Variants in FAT3 observed in about 807,000 individuals in gnomAD.
FAT3 encodes the protein protocadherin Fat 3.
In FAT3, 95 loss-of-function variants were observed where a neutral mutation model predicts 310.2. The observed-to-expected ratio is 0.31, with a 90% confidence interval of 0.26 to 0.36. FAT3 has a LOEUF of 0.36. Ranked by LOEUF, FAT3 falls within the 10% of genes least tolerant of loss-of-function variation. The pLI, the probability that FAT3 is intolerant of heterozygous loss-of-function variation, is 1.00. For synonymous variants in FAT3, 2,314 were observed against 2,192.9 expected, an observed-to-expected ratio of 1.06 and a Z score of -1.54; for missense variants, 5,408 against 5,715.6, an observed-to-expected ratio of 0.95 and a Z score of 1.74.
intron 10 of FAT3, among the ~76,000 whole-genome samples, chr11:92,802,208 G>T (rs1186004749): frequency 6.6e-6 from 1 of 152,112 alleles, no homozygotes; most frequent in Non-Finnish European, 1.5e-5. Context: ...CTCAGTTGAA[G>T]GAATGAAAAT....
intron 2 of FAT3, among the ~76,000 whole-genome samples, chr11:92,458,046 T>C (rs1951541394): frequency 6.6e-6 from 1 of 152,248 alleles, no homozygotes; most frequent in African/African-American, 2.4e-5. Flanking sequence ...ATCATCTTCT[T>C]CTTTAAAGCC....
chr11:92,408,612 T>G (rs753051175), intron 2 of FAT3, among the ~76,000 whole-genome samples: 4 of 152,222 alleles, frequency 2.6e-5, no homozygotes, highest in Non-Finnish European at 5.9e-5. Flanking sequence ...TTTGTCCTTC[T>G]TTGCCTGTTC....
chr11:92,460,023 G>C (rs1951594576), intron 2 of FAT3, among the ~76,000 whole-genome samples: 1 of 151,874 alleles, frequency 6.6e-6, no homozygotes, highest in Non-Finnish European at 1.5e-5. Context: ...AGGGTTTATT[G>C]CTGCCAGGGA....
chr11:92,432,265 G>C (rs956898360), intron 2 of FAT3, among the ~76,000 whole-genome samples: 1 of 152,186 alleles, frequency 6.6e-6, no homozygotes, highest in Non-Finnish European at 1.5e-5. Flanking sequence ...AAGCAATTGT[G>C]AATGGGAGTT....
intron 1 of FAT3, among the ~76,000 whole-genome samples, chr11:92,323,622 A>G (rs1947687107): frequency 2.0e-5 from 3 of 149,478 alleles, no homozygotes; most frequent in African/African-American, 7.5e-5. Flanking sequence ...GGTCTCAACA[A>G]TGAGCTTAAA....
At chr11:92,380,166 T>C (rs1949457355) in intron 2 of FAT3, among the ~76,000 whole-genome samples, 1 of 151,440 alleles carries the variant, frequency 6.6e-6, no homozygotes, top group African/African-American at 2.4e-5. Flanking sequence ...GTGAGGAAGG[T>C]TAAATTTGAA....
intron 1 of FAT3, among the ~76,000 whole-genome samples, chr11:92,305,822 T>C (rs2134438067): frequency 6.6e-6 from 1 of 152,256 alleles, no homozygotes; most frequent in South Asian, 2.1e-4. Context: ...GGAGGGGACT[T>C]AGTAGAAATG....
chr11:92,523,597 T>C (rs531430), intron 2 of FAT3, among the ~76,000 whole-genome samples: 55,040 of 152,052 alleles, frequency 0.36, 11,044 homozygotes, highest in Middle Eastern at 0.54. Flanking sequence ...GGATAGAGAA[T>C]TCAGGGCAGA....
chr11:92,469,805 G>T (rs559255105), intron 2 of FAT3, among the ~76,000 whole-genome samples: 1 of 151,884 alleles, frequency 6.6e-6, no homozygotes, highest in Non-Finnish European at 1.5e-5. Context: ...ATGAGCCACC[G>T]CACCTGGCCT....
intron 2 of FAT3, among the ~76,000 whole-genome samples, chr11:92,432,557 C>T (rs1052700228): frequency 6.6e-5 from 10 of 152,154 alleles, no homozygotes; most frequent in African/African-American, 2.2e-4. Flanking sequence ...TGGAGGTGTA[C>T]TCCAGACCCT....
At chr11:92,511,534 A>C (rs1565372909) in intron 2 of FAT3, among the ~76,000 whole-genome samples, 1 of 152,196 alleles carries the variant, frequency 6.6e-6, no homozygotes, top group African/African-American at 2.4e-5. Context: ...CCACCATCAT[A>C]GGATAGAGAA....
At chr11:92,453,080 C>G (rs1468099954) in intron 2 of FAT3, among the ~76,000 whole-genome samples, 2 of 152,026 alleles carry the variant, frequency 1.3e-5, no homozygotes, top group African/African-American at 2.4e-5. Flanking sequence ...AGCCTGATAT[C>G]CCTGTTTTAA....
chr11:92,479,719 C>T (rs1445803568), intron 2 of FAT3, among the ~76,000 whole-genome samples: 1 of 152,192 alleles, frequency 6.6e-6, no homozygotes, highest in African/African-American at 2.4e-5. Context: ...CACATTGTCT[C>T]ATGAGAACCA....
At chr11:92,272,012 A>G (rs953454864) in intron 1 of FAT3, among the ~76,000 whole-genome samples, 2 of 152,086 alleles carry the variant, frequency 1.3e-5, no homozygotes, top group Non-Finnish European at 2.9e-5. Context: ...ATATGGCCCT[A>G]TAAGAACTGA....
rs376019609 is a variant in FAT3, at chr11:92,501,129, T to C, written c.3293-23505T>C. Among the ~76,000 whole-genome samples, 90 of 152,124 alleles carry C rather than the reference T, an allele frequency of 5.9e-4. No homozygotes were observed. The South Asian group carries it at 0.018, about 30-fold the overall frequency. On this transcript the variant is annotated intron_variant, in intron 2 of 27. Transcript: ENST00000525166. ...AGAGTTTCATTCCACAAGCTTCAAA[T>C]AGAAGCCGCTTTCTATTGTCTTGTA... is the stretch of plus-strand genomic sequence containing the variant.
chr11:92,704,202 A>G (rs980394424), intron 4 of FAT3, among the ~76,000 whole-genome samples: 1 of 151,962 alleles, frequency 6.6e-6, no homozygotes, highest in African/African-American at 2.4e-5. Flanking sequence ...TTTCTCTCAT[A>G]CTCTGGTTGT....
chr11:92,861,699 C>T (rs1423115943), intron 21 of FAT3, among the ~76,000 whole-genome samples: 1 of 152,292 alleles, frequency 6.6e-6, no homozygotes, highest in African/African-American at 2.4e-5. Context: ...CTCCTACAGT[C>T]GCCAGGAATA....
chr11:92,370,751 C>T (rs1311309813), intron 2 of FAT3, among the ~76,000 whole-genome samples: 1 of 152,146 alleles, frequency 6.6e-6, no homozygotes, highest in Admixed American at 6.5e-5. Flanking sequence ...TTTATGGTCA[C>T]TAAATTCTTG....
In FAT3 at chr11:92,305,846, G is replaced by C. The variant is rs756114535; in HGVS notation, c.-17-46250G>C. Among the ~76,000 whole-genome samples the C allele has an allele frequency of 3.3e-5, 5 of 152,246 alleles. No homozygotes were observed. In the East Asian group the frequency reaches 9.7e-4, roughly 29 times the overall value. On this transcript the variant is annotated intron_variant, in intron 1 of 27. Coordinates refer to ENST00000525166, the MANE Select transcript of FAT3 (RefSeq NM_001367949.2). ...TTAGTAGAAATGGCATCTAAATTCA[G>C]TGTGAGTTCCTGAATTGAATTCTAG...
Sources: allele counts gnomAD v4.1 joint callset (sites outside exome capture counted in the v4.1 genomes callset), GRCh38; gene constraint gnomAD v4.1.1; transcripts MANE v1.5; gene names NCBI Gene and HGNC (gene_info 2026-07-23, HGNC 2026-07-21).